Variants in FRMD4B observed in about 807,000 individuals in gnomAD.
The protein encoded by FRMD4B is FERM domain-containing protein 4B.
FRMD4B carries 74 observed loss-of-function variants against 141.5 expected under a neutral mutation model. That is an observed-to-expected ratio of 0.52 (90% confidence interval 0.43 to 0.63). FRMD4B has a LOEUF of 0.63. Among genes scored for constraint, FRMD4B ranks in the 30% least tolerant of loss-of-function variants. The pLI, the probability that FRMD4B is intolerant of heterozygous loss-of-function variation, is 0.00. For synonymous variants in FRMD4B, 506 were observed against 467.9 expected, an observed-to-expected ratio of 1.08 and a Z score of -1.05; for missense variants, 1,366 against 1,253.4, an observed-to-expected ratio of 1.09 and a Z score of -1.36.
chr3:69,338,973 C>G (rs1408461467), intron 1 of FRMD4B, among the ~76,000 whole-genome samples: 1 of 152,160 alleles, frequency 6.6e-6, no homozygotes, highest in African/African-American at 2.4e-5. Flanking sequence ...CCTTAGTTCT[C>G]CCAGAATCCT....
rs1439913183 is a variant in FRMD4B at position 69,287,755 on chromosome 3, G to A, written c.498C>T (p.His166=). 6.4e-7 allele frequency: 1 copy of A among 1,566,482 alleles called. No homozygotes were observed. The highest frequency in any genetic ancestry group is 1.1e-5 in the South Asian group (1 of 89,342). The change falls in exon 5 of 23, where the codon CAC becomes CAT. Residue 166 remains histidine, a synonymous_variant. Coordinates refer to ENST00000398540, the MANE Select transcript of FRMD4B (RefSeq NM_015123.3). ...LFFLNAKACV[H]KGQIEVESET... is the part of the protein sequence containing the mutation. ...ACATGACAAACGGGGCACCTACCTT[G>A]TGCACACAGGCCTTTGCATTCAGGA...
intron 1 of FRMD4B, among the ~76,000 whole-genome samples, chr3:69,331,827 C>T (rs1575738118): frequency 1.3e-5 from 2 of 152,224 alleles, no homozygotes; most frequent in East Asian, 1.9e-4. Flanking sequence ...TGGTGGCTCA[C>T]GCCTATAATC....
intron 1 of FRMD4B, among the ~76,000 whole-genome samples, chr3:69,480,805 C>T (rs1706108652): frequency 6.6e-6 from 1 of 152,206 alleles, no homozygotes; most frequent in Non-Finnish European, 1.5e-5. Context: ...TCTGCCCTGC[C>T]CCCAGAGGTG....
intron 1 of FRMD4B, among the ~76,000 whole-genome samples, chr3:69,502,034 A>G (rs1406812332): frequency 6.6e-6 from 1 of 152,206 alleles, no homozygotes; most frequent in Admixed American, 6.5e-5. Context: ...ATATAAGAAG[A>G]CACAAACAAA....
At chr3:69,484,407 C>G (rs1706180634) in intron 1 of FRMD4B, among the ~76,000 whole-genome samples, 1 of 152,182 alleles carries the variant, frequency 6.6e-6, no homozygotes, top group African/African-American at 2.4e-5. Context: ...TGTTGATTTT[C>G]TGGCCAGAAA....
chr3:69,384,351 GCA>G (rs968117753), intron 1 of FRMD4B, among the ~76,000 whole-genome samples: 10 of 152,232 alleles, frequency 6.6e-5, no homozygotes, highest in Non-Finnish European at 1.0e-4. Context: ...GGGGAGTGAG[GCA>G]CAGAGTCACT....
chr3:69,317,147 C>A (rs1012820742), intron 1 of FRMD4B, among the ~76,000 whole-genome samples: 1 of 152,142 alleles, frequency 6.6e-6, no homozygotes, highest in Non-Finnish European at 1.5e-5. Flanking sequence ...AGTCAATATT[C>A]CTTTTAGCAA....
intron 1 of FRMD4B, among the ~76,000 whole-genome samples, chr3:69,314,689 G>A (rs1185716014): frequency 6.6e-6 from 1 of 152,018 alleles, no homozygotes; most frequent in Non-Finnish European, 1.5e-5. Flanking sequence ...ACAAAAATTA[G>A]CCTGGCATGG....
intron 1 of FRMD4B, among the ~76,000 whole-genome samples, chr3:69,433,686 G>A (rs1705214820): frequency 6.6e-6 from 1 of 152,184 alleles, no homozygotes; most frequent in Non-Finnish European, 1.5e-5. Flanking sequence ...CCATATTCAA[G>A]GAGCTTAACT....
intron 5 of FRMD4B, among the ~76,000 whole-genome samples, chr3:69,270,070 G>A (rs1167164194): frequency 1.3e-5 from 2 of 151,668 alleles, no homozygotes; most frequent in Non-Finnish European, 2.9e-5. Context: ...AGGCTGGAGT[G>A]CAGTGGCATG....
At chr3:69,336,999 C>G (rs1702579189) in intron 1 of FRMD4B, among the ~76,000 whole-genome samples, 1 of 152,092 alleles carries the variant, frequency 6.6e-6, no homozygotes, top group Non-Finnish European at 1.5e-5. Context: ...CCTAAATGTC[C>G]ATTAATGGTA....
chr3:69,441,273 G>C (rs533081310), intron 1 of FRMD4B, among the ~76,000 whole-genome samples: 16 of 152,094 alleles, frequency 1.1e-4, no homozygotes, highest in African/African-American at 3.6e-4. Flanking sequence ...TTTTTCTAAG[G>C]TTAGTCAAGT....
intron 2 of FRMD4B, among the ~76,000 whole-genome samples, chr3:69,420,459 G>T (rs1192652033): frequency 6.6e-6 from 1 of 152,238 alleles, no homozygotes; most frequent in South Asian, 2.1e-4. Context: ...GGCTCAGGAG[G>T]TTAAGTGATT....
intron 1 of FRMD4B, among the ~76,000 whole-genome samples, chr3:69,374,871 G>C (rs4855399): frequency 0.013 from 1,981 of 152,084 alleles, 36 homozygotes; most frequent in African/African-American, 0.043. Context: ...AATGAGTCAA[G>C]GCTTCTGCAA....
chr3:69,330,696 T>C (rs1393138086), intron 1 of FRMD4B, among the ~76,000 whole-genome samples: 1 of 151,822 alleles, frequency 6.6e-6, no homozygotes, highest in African/African-American at 2.4e-5. Context: ...AGGGTCTCAC[T>C]ATGTTGCCCA....
chr3:69,185,295 C>T (rs772585547), intron 19 of FRMD4B, among the ~76,000 whole-genome samples: 24 of 130,674 alleles, frequency 1.8e-4, no homozygotes, highest in Non-Finnish European at 2.9e-4. Context: ...AGTGAGACTC[C>T]GTCTCAAAAA....
At chr3:69,270,836 T>G (rs1464704683) in intron 5 of FRMD4B, among the ~76,000 whole-genome samples, 2 of 152,120 alleles carry the variant, frequency 1.3e-5, no homozygotes, top group Non-Finnish European at 2.9e-5. Context: ...AGTGCTGGGA[T>G]TACAGGTGTG....
intron 2 of FRMD4B, among the ~76,000 whole-genome samples, chr3:69,411,291 G>T (rs984639834): frequency 1.3e-5 from 2 of 152,138 alleles, no homozygotes; most frequent in Non-Finnish European, 2.9e-5. Flanking sequence ...ATTGAAGAAG[G>T]TTTAAGTTAG....
intron 1 of FRMD4B, among the ~76,000 whole-genome samples, chr3:69,331,032 C>T (rs1702351545): frequency 6.7e-6 from 1 of 150,318 alleles, no homozygotes; most frequent in Non-Finnish European, 1.5e-5. Context: ...TCAGAAGGAA[C>T]GAACGTGTCT....
Sources: allele counts gnomAD v4.1 joint callset (sites outside exome capture counted in the v4.1 genomes callset), GRCh38; gene constraint gnomAD v4.1.1; transcripts MANE v1.5; gene names NCBI Gene and HGNC (gene_info 2026-07-23, HGNC 2026-07-21).